Variants in ADCK1 observed in about 807,000 individuals in gnomAD.
ADCK1 encodes the protein aarF domain containing kinase 1.
A neutral mutation model predicts 52.3 loss-of-function variants in ADCK1; 41 were observed. That is an observed-to-expected ratio of 0.78 (90% CI 0.61 to 1.02). The LOEUF (loss-of-function observed/expected upper bound fraction) is 1.02. ADCK1 is among the 50% of genes least tolerant of loss of function. The pLI, the probability that ADCK1 is intolerant of heterozygous loss-of-function variation, is 0.00. For missense variants in ADCK1, 658 were observed against 679.5 expected, an observed-to-expected ratio of 0.97 and a Z score of 0.35; for synonymous variants, 250 against 274.6, an observed-to-expected ratio of 0.91 and a Z score of 0.89.
chr14:77,838,777 C>A (rs2082010067), intron 3 of ADCK1, among the ~76,000 whole-genome samples: 1 of 152,228 alleles, frequency 6.6e-6, no homozygotes, highest in South Asian at 2.1e-4. Context: ...GGATGTCTCT[C>A]TGCTGTGCCT....
intron 4 of ADCK1, among the ~76,000 whole-genome samples, chr14:77,864,210 G>A (rs143891919): frequency 6.6e-6 from 1 of 152,322 alleles, no homozygotes; most frequent in Non-Finnish European, 1.5e-5. Context: ...GGGTACCGTT[G>A]TGCAACGGGT....
chr14:77,874,374 A>G (rs188342894), intron 4 of ADCK1, among the ~76,000 whole-genome samples: 100 of 152,246 alleles, frequency 6.6e-4, no homozygotes, highest in Non-Finnish European at 9.3e-4. Flanking sequence ...GGAGGGGTGG[A>G]TGGGGCTTTC....
At chr14:77,868,055 G>C (rs2082700008) in intron 4 of ADCK1, among the ~76,000 whole-genome samples, 1 of 152,190 alleles carries the variant, frequency 6.6e-6, no homozygotes. Flanking sequence ...CTGGTGCCTC[G>C]ATCTTCCTGA....
At chr14:77,874,993 G>A (rs1203431890) in intron 4 of ADCK1, among the ~76,000 whole-genome samples, 2 of 152,150 alleles carry the variant, frequency 1.3e-5, no homozygotes, top group Non-Finnish European at 2.9e-5. Flanking sequence ...GACAGGAGGG[G>A]CTTGGTGGCA....
chr14:77,834,435 T>G (rs1407215989), intron 3 of ADCK1, among the ~76,000 whole-genome samples: 1 of 152,230 alleles, frequency 6.6e-6, no homozygotes, highest in African/African-American at 2.4e-5. Context: ...TGTCTCGATC[T>G]TTACCCTGCT....
At chr14:77,852,358 A>G (rs2082301132) in intron 3 of ADCK1, among the ~76,000 whole-genome samples, 1 of 152,034 alleles carries the variant, frequency 6.6e-6, no homozygotes, top group Non-Finnish European at 1.5e-5. Flanking sequence ...CTACATCTGC[A>G]AGAACTTTTA....
At chr14:77,868,218 C>T (rs562110303) in intron 4 of ADCK1, among the ~76,000 whole-genome samples, 20 of 152,278 alleles carry the variant, frequency 1.3e-4, no homozygotes, top group African/African-American at 4.6e-4. Context: ...GAAACTGAGG[C>T]TCAGAGAGGG....
At chr14:77,928,308 CTG>C (rs951624546) in intron 9 of ADCK1, among the ~76,000 whole-genome samples, 12 of 152,104 alleles carry the variant, frequency 7.9e-5, no homozygotes, top group African/African-American at 1.9e-4. Context: ...GCAGCTAAGA[CTG>C]GAGTTCACAG....
At chr14:77,888,510 G>T (rs573863814) in intron 5 of ADCK1, among the ~76,000 whole-genome samples, 1 of 152,254 alleles carries the variant, frequency 6.6e-6, no homozygotes, top group South Asian at 2.1e-4. Context: ...AATCTGTTGG[G>T]AGTCTGGAGA....
intron 4 of ADCK1, among the ~76,000 whole-genome samples, chr14:77,875,500 GAA>G (rs1462797827): frequency 2.0e-5 from 3 of 149,562 alleles, no homozygotes; most frequent in Non-Finnish European, 4.5e-5. Flanking sequence ...AAAAAAAAAA[GAA>G]AACTCCTTAG....
chr14:77,838,436 G>A (rs748102616), intron 3 of ADCK1, among the ~76,000 whole-genome samples: 2 of 152,036 alleles, frequency 1.3e-5, no homozygotes, highest in Non-Finnish European at 2.9e-5. Context: ...CACTCTTGTC[G>A]CTCAGGGTGG....
chr14:77,855,674 G>A (rs950614298), intron 3 of ADCK1, among the ~76,000 whole-genome samples: 4 of 152,102 alleles, frequency 2.6e-5, no homozygotes, highest in African/African-American at 9.7e-5. Flanking sequence ...GGGATGAGGG[G>A]TTACAATTTC....
chr14:77,916,202 G>T (rs1183875614), intron 7 of ADCK1, among the ~76,000 whole-genome samples: 1 of 152,030 alleles, frequency 6.6e-6, no homozygotes, highest in African/African-American at 2.4e-5. Flanking sequence ...CCCTTTCTCT[G>T]TGTCTTCCCA....
chr14:77,895,132 T>C (rs938611935), intron 5 of ADCK1, among the ~76,000 whole-genome samples: 1 of 152,222 alleles, frequency 6.6e-6, no homozygotes, highest in Non-Finnish European at 1.5e-5. Context: ...TGATTTTTCC[T>C]CCTGCAAGCC....
intron 4 of ADCK1, among the ~76,000 whole-genome samples, chr14:77,884,817 C>A (rs1054896582): frequency 1.3e-5 from 2 of 152,204 alleles, no homozygotes; most frequent in Non-Finnish European, 2.9e-5. Context: ...GTTGAGTTAC[C>A]TGTATATCTC....
intron 9 of ADCK1, among the ~76,000 whole-genome samples, 178 bp from the exon 10 acceptor site, chr14:77,931,340 T>G (rs1444064434): frequency 2.0e-5 from 3 of 152,208 alleles, no homozygotes; most frequent in Non-Finnish European, 4.4e-5. Flanking sequence ...GGCTATACAG[T>G]GCCTTGTGCT....
intron 6 of ADCK1, chr14:77,900,671 C>T (rs986641629): frequency 1.2e-4 from 54 of 445,374 alleles, no homozygotes; most frequent in Non-Finnish European, 2.0e-4. Flanking sequence ...GCAGCGATGT[C>T]GAGGTGTGTT....
intron 5 of ADCK1, among the ~76,000 whole-genome samples, chr14:77,891,690 G>A (rs1172016805): frequency 6.6e-6 from 1 of 152,112 alleles, no homozygotes; most frequent in Non-Finnish European, 1.5e-5. Flanking sequence ...CCTGAGACCC[G>A]CACTCATACC....
At chr14:77,818,003 G>T (rs10138741) in intron 1 of ADCK1, among the ~76,000 whole-genome samples, 107,966 of 151,716 alleles carry the variant, frequency 0.71, 39,976 homozygotes, top group Middle Eastern at 0.86. Flanking sequence ...CTCCCAAAGT[G>T]CTGGGATTAC....
Sources: gnomAD v4.1 joint callset for allele counts (sites outside exome capture counted in the v4.1 genomes callset) on GRCh38, gnomAD v4.1.1 for gene constraint, MANE v1.5 for transcripts, NCBI Gene and HGNC (gene_info 2026-07-23, HGNC 2026-07-21) for gene names.